Variants in EVA1C observed in about 807,000 individuals in gnomAD.
EVA1C encodes the protein eva-1 homolog C.
Under a neutral mutation model 45.4 loss-of-function variants are expected in EVA1C, and 25 were observed. That is an observed-to-expected ratio of 0.55 (90% CI 0.40 to 0.77). The LOEUF (loss-of-function observed/expected upper bound fraction) is 0.77. Among genes scored for constraint, EVA1C ranks in the 30% least tolerant of loss-of-function variants. The probability of loss-of-function intolerance (pLI) is 0.00; values close to 1 mark genes in which losing one functional copy is unlikely to be tolerated. For synonymous variants in EVA1C, 190 were observed against 221.2 expected (o/e 0.86, Z 1.25); for missense variants, 479 against 554.8 (o/e 0.86, Z 1.37).
Position 32,412,841 on chromosome 21 carries a change from C to A in EVA1C, c.-13C>A. The A allele has an allele frequency of 2.8e-6, 4 of 1,429,572 alleles. No individual in the cohort carries two copies. In the South Asian group the frequency reaches 4.3e-5, roughly 16 times the overall value. 88.6% of individuals were successfully genotyped at this position (1,429,572 alleles called of 1,614,324 possible). A position where few individuals can be genotyped will look rare whatever the true frequency, so the allele number is the denominator to read the frequency against. On this transcript the variant is annotated 5_prime_UTR_variant, in exon 1 of 8. Coordinates refer to ENST00000300255, the MANE Select transcript of EVA1C (RefSeq NM_058187.5). The stretch of plus-strand genomic sequence containing the variant: ...TCCCGGGCCTGCGCCTCCGCCCCGC[C>A]GCGCAGCGCACGATGCTTCTGCCGG...
rs547632608 is a variant in EVA1C at position 32,495,497 on chromosome 21, G to T, written c.778+327G>T. Among the ~76,000 whole-genome samples the T allele has an allele frequency of 2.0e-5, 3 of 152,150 alleles. No individual in the cohort carries two copies. In the East Asian group the frequency reaches 5.8e-4, roughly 29 times the overall value. ...CACTGAGACCAGTGATTTTCATCTG[G>T]GAAAATTTATTGGGATGTCATGCGA... On this transcript the variant is annotated intron_variant, in intron 5 of 7. Transcript: ENST00000300255.
At chr21:32,451,119 G>A (rs2035563876) in intron 1 of EVA1C, among the ~76,000 whole-genome samples, 1 of 152,188 alleles carries the variant, frequency 6.6e-6, no homozygotes, top group African/African-American at 2.4e-5. Context: ...TCAGATTTCA[G>A]GGAAGGCCAG....
chr21:32,418,116 A>G (rs1402054472), intron 1 of EVA1C, among the ~76,000 whole-genome samples: 3 of 152,178 alleles, frequency 2.0e-5, no homozygotes, highest in Admixed American at 1.3e-4. Flanking sequence ...ACACCTGTGC[A>G]TGCACAGCCA....
intron 7 of EVA1C, among the ~76,000 whole-genome samples, chr21:32,505,481 C>T (rs555763586): frequency 3.3e-5 from 5 of 152,294 alleles, no homozygotes; most frequent in South Asian, 2.1e-4. Flanking sequence ...TGAAGGGGAA[C>T]GAGACCGACA....
At chr21:32,498,378 C>CG (rs2037420995) in intron 5 of EVA1C, among the ~76,000 whole-genome samples, 1 of 142,544 alleles carries the variant, frequency 7.0e-6, no homozygotes, top group Non-Finnish European at 1.5e-5. Context: ...ACCTGGGAGG[C>CG]GGAGTTGGCA....
chr21:32,499,119 C>A (rs1390353126), intron 5 of EVA1C, among the ~76,000 whole-genome samples: 9 of 152,186 alleles, frequency 5.9e-5, no homozygotes, highest in African/African-American at 2.2e-4. Context: ...AGCTCCTCTA[C>A]AAAATTCTGA....
chr21:32,502,048 CTTTCTTCTTTCT>C (rs2037573031), intron 6 of EVA1C, among the ~76,000 whole-genome samples: 1 of 108,868 alleles, frequency 9.2e-6, no homozygotes, highest in African/African-American at 3.7e-5. Context: ...TTCTTTCTTT[CTTTCTTCTTTCT>C]TTCTTTCTTC....
chr21:32,492,281 A>C (rs530738715), intron 4 of EVA1C, among the ~76,000 whole-genome samples: 47 of 152,072 alleles, frequency 3.1e-4, no homozygotes, highest in African/African-American at 1.0e-3. Context: ...CATCTCTTGG[A>C]TGGGATGGTG....
chr21:32,461,409 C>A (rs570255983), intron 3 of EVA1C, among the ~76,000 whole-genome samples: 3 of 152,210 alleles, frequency 2.0e-5, no homozygotes, highest in Non-Finnish European at 4.4e-5. Flanking sequence ...AACCTGAACA[C>A]CAGAAACCTG....
intron 1 of EVA1C, among the ~76,000 whole-genome samples, chr21:32,426,458 C>T (rs552282328): frequency 2.9e-4 from 44 of 152,072 alleles, no homozygotes; most frequent in Admixed American, 1.4e-3. Context: ...ACTGCCTCCC[C>T]GACTTTCCTC....
chr21:32,466,500 A>T (rs935224036), intron 3 of EVA1C, among the ~76,000 whole-genome samples: 13 of 148,082 alleles, frequency 8.8e-5, no homozygotes, highest in African/African-American at 3.3e-4. Flanking sequence ...TTAAAAAAAA[A>T]AATAAACTGT....
At chr21:32,439,669 C>T (rs929310752) in intron 1 of EVA1C, among the ~76,000 whole-genome samples, 4 of 151,976 alleles carry the variant, frequency 2.6e-5, no homozygotes, top group Non-Finnish European at 4.4e-5. Flanking sequence ...TTGGATTTGC[C>T]ATTTACATCT....
intron 7 of EVA1C, among the ~76,000 whole-genome samples, chr21:32,510,093 T>C (rs59652870): frequency 0.56 from 81,401 of 144,264 alleles, 25,083 homozygotes; most frequent in African/African-American, 0.82. Flanking sequence ...GTTACCCAGG[T>C]TGGAGTGCAG....
intron 1 of EVA1C, among the ~76,000 whole-genome samples, chr21:32,450,081 C>T (rs1333022872): frequency 1.3e-5 from 2 of 152,170 alleles, no homozygotes; most frequent in African/African-American, 2.4e-5. Context: ...TGAGCTTCTG[C>T]CCCCAGAATA....
chr21:32,424,125 C>T (rs898714987), intron 1 of EVA1C, among the ~76,000 whole-genome samples: 4 of 152,162 alleles, frequency 2.6e-5, no homozygotes, highest in East Asian at 1.9e-4. Flanking sequence ...CCATGCGATG[C>T]GTACTCGTGA....
intron 6 of EVA1C, 54 bp from the exon 7 acceptor site, chr21:32,503,872 T>C: frequency 7.8e-7 from 1 of 1,277,804 alleles, no homozygotes; most frequent in South Asian, 1.3e-5. Context: ...TGTCTTAGAA[T>C]AGGCGTACTA....
chr21:32,475,919 CTATCTATCTATA>C (rs1452579167), intron 4 of EVA1C, among the ~76,000 whole-genome samples: 2 of 148,678 alleles, frequency 1.3e-5, no homozygotes, highest in African/African-American at 5.1e-5. Flanking sequence ...ATCTATCTAT[CTATCTATCTATA>C]TAAACAGGAA....
chr21:32,440,320 A>G (rs2035127996), intron 1 of EVA1C, among the ~76,000 whole-genome samples: 1 of 152,224 alleles, frequency 6.6e-6, no homozygotes, highest in Admixed American at 6.5e-5. Context: ...TCCCGAAGAA[A>G]AGAAAAGAAA....
rs112931354 is a variant in EVA1C at position 32,466,344 on chromosome 21, G to A, written c.482-1352G>A. Among the ~76,000 whole-genome samples, 891 of 151,776 alleles carry A rather than the reference G, an allele frequency of 5.9e-3. 12 individuals are homozygous for A. Among genetic ancestry groups the A allele is most frequent in the African/African-American group, 0.02 (837 of 41,346 alleles). ...TGAGGCAAGAGAATGGCATGAACCT[G>A]GGAGGCAGAGCTTGCAGTGAGCAGA... is the stretch of plus-strand genomic sequence containing the variant. On this transcript the variant is annotated intron_variant, in intron 3 of 7. Coordinates refer to ENST00000300255, the MANE Select transcript of EVA1C (RefSeq NM_058187.5).
Sources: gnomAD v4.1 joint callset for allele counts (sites outside exome capture counted in the v4.1 genomes callset) on GRCh38, gnomAD v4.1.1 for gene constraint, MANE v1.5 for transcripts, NCBI Gene and HGNC (gene_info 2026-07-23, HGNC 2026-07-21) for gene names.